The following MAML3 variants were observed in gnomAD, a reference collection of about 807,000 sequenced individuals.
MAML3 encodes mastermind-like protein 3.
MAML3 carries 27 observed loss-of-function variants against 101.9 expected under a neutral mutation model. The observed-to-expected ratio is 0.27, with a 90% confidence interval of 0.20 to 0.37. The LOEUF is 0.37. Among genes scored for constraint, MAML3 ranks in the 10% least tolerant of loss-of-function variants. MAML3 has a pLI of 1.00. For synonymous variants in MAML3, 501 were observed against 555.9 expected (o/e 0.90, Z 1.39); for missense variants, 1,316 against 1,444.9 (o/e 0.91, Z 1.45).
chr4:140,064,414 A>G (rs1306878237), intron 1 of MAML3, among the ~76,000 whole-genome samples: 1 of 152,218 alleles, frequency 6.6e-6, no homozygotes, highest in Non-Finnish European at 1.5e-5. Flanking sequence ...GATGAAATGT[A>G]AAGGGAACAC....
chr4:139,860,381 T>A (rs1277162795), intron 2 of MAML3, among the ~76,000 whole-genome samples: 2 of 152,220 alleles, frequency 1.3e-5, no homozygotes, highest in Non-Finnish European at 2.9e-5. Context: ...TCCTGCGCCC[T>A]GGAGCCCATG....
chr4:139,901,426 T>G (rs1296175784), intron 1 of MAML3, among the ~76,000 whole-genome samples: 1 of 152,222 alleles, frequency 6.6e-6, no homozygotes, highest in African/African-American at 2.4e-5. Flanking sequence ...ATTACATTTA[T>G]TTTTAAGGAC....
intron 2 of MAML3, among the ~76,000 whole-genome samples, chr4:139,801,718 G>A (rs1487784966): frequency 6.6e-6 from 1 of 151,930 alleles, no homozygotes; most frequent in Non-Finnish European, 1.5e-5. Flanking sequence ...GCAGGCACAT[G>A]TGTCTGTTCA....
At chr4:140,056,283 A>G (rs1325965841) in intron 1 of MAML3, among the ~76,000 whole-genome samples, 1 of 152,074 alleles carries the variant, frequency 6.6e-6, no homozygotes, top group African/African-American at 2.4e-5. Flanking sequence ...GTGTCATGAC[A>G]TCTGTTCTAA....
chr4:139,848,396 C>T (rs1008729269), intron 2 of MAML3, among the ~76,000 whole-genome samples: 2 of 152,136 alleles, frequency 1.3e-5, no homozygotes, highest in African/African-American at 4.8e-5. Flanking sequence ...AGCATTAATG[C>T]GTGAGATATA....
intron 1 of MAML3, among the ~76,000 whole-genome samples, chr4:139,985,076 G>A (rs1316417271): frequency 6.6e-6 from 1 of 152,192 alleles, no homozygotes; most frequent in African/African-American, 2.4e-5. Context: ...AACACCACTA[G>A]ATTATATTTT....
intron 2 of MAML3, among the ~76,000 whole-genome samples, chr4:139,790,242 T>TAA (rs1491322727): frequency 1.3e-4 from 18 of 140,500 alleles, no homozygotes; most frequent in African/African-American, 2.6e-4. Flanking sequence ...TATATATATA[T>TAA]AAATAAATAT....
intron 2 of MAML3, among the ~76,000 whole-genome samples, chr4:139,811,899 G>T (rs2111113042): frequency 6.6e-6 from 1 of 152,330 alleles, no homozygotes. Context: ...ATTCAGTAGA[G>T]CAGGAAAAGC....
intron 1 of MAML3, among the ~76,000 whole-genome samples, chr4:140,043,181 GCTT>G (rs1253768597): frequency 2.6e-5 from 4 of 152,012 alleles, no homozygotes; most frequent in Admixed American, 2.0e-4. Context: ...CTTTCCCTCT[GCTT>G]CTCACCCCTC....
At chr4:139,794,445 G>C (rs976253531) in intron 2 of MAML3, 1 of 152,240 alleles carries the variant, frequency 6.6e-6, no homozygotes, top group Non-Finnish European at 1.5e-5. Flanking sequence ...ATCTGACTGT[G>C]CACTGGATAC....
At chr4:140,044,953 G>C (rs1727155400) in intron 1 of MAML3, among the ~76,000 whole-genome samples, 1 of 152,072 alleles carries the variant, frequency 6.6e-6, no homozygotes, top group Non-Finnish European at 1.5e-5. Flanking sequence ...TGCAACAAAA[G>C]TCATGCCTGC....
intron 2 of MAML3, among the ~76,000 whole-genome samples, chr4:139,807,259 G>A (rs1202897595): frequency 6.6e-6 from 1 of 150,638 alleles, no homozygotes; most frequent in Non-Finnish European, 1.5e-5. Context: ...AAACTGTAAA[G>A]TATCATATGC....
intron 1 of MAML3, among the ~76,000 whole-genome samples, chr4:139,959,109 CA>C (rs1733962868): frequency 6.6e-6 from 1 of 152,192 alleles, no homozygotes; most frequent in Admixed American, 6.5e-5. Context: ...TACCTGCTCT[CA>C]CCAACCACAT....
At chr4:139,798,050 A>G (rs1018913626) in intron 2 of MAML3, among the ~76,000 whole-genome samples, 1 of 109,172 alleles carries the variant, frequency 9.2e-6, no homozygotes, top group Non-Finnish European at 1.9e-5. Flanking sequence ...GAAAGAAAGA[A>G]AGAAAGAAAG....
At position 140,028,316 on chromosome 4, in the gene MAML3, A is replaced by C. The variant is rs183172623; in HGVS notation, c.468+124544T>G. On this transcript the variant is annotated intron_variant, in intron 1 of 4. Transcript: ENST00000509479. ...TCCTGGGGTAAGGATTCTGAAAAAA[A>C]AGTGGCTAAAATAAGACAAGAGAAT... Among the ~76,000 whole-genome samples, 6 of 152,314 alleles carry C rather than the reference A, an allele frequency of 3.9e-5. No individual in the cohort carries two copies. In the East Asian group the frequency reaches 7.7e-4, roughly 20 times the overall value.
chr4:139,939,565 T>C (rs1434161532), intron 1 of MAML3, among the ~76,000 whole-genome samples: 1 of 152,132 alleles, frequency 6.6e-6, no homozygotes, highest in African/African-American at 2.4e-5. Context: ...AGGGGGTCTT[T>C]GCTGTTAAAA....
At chr4:140,011,790 T>C (rs1296112140) in intron 1 of MAML3, among the ~76,000 whole-genome samples, 2 of 152,178 alleles carry the variant, frequency 1.3e-5, no homozygotes, top group African/African-American at 4.8e-5. Flanking sequence ...AGAGGACAGG[T>C]GTTTTTAGTA....
At chr4:140,063,656 T>A (rs1727486115) in intron 1 of MAML3, among the ~76,000 whole-genome samples, 1 of 152,182 alleles carries the variant, frequency 6.6e-6, no homozygotes, top group African/African-American at 2.4e-5. Flanking sequence ...ACACATCATC[T>A]TCTTATTTGC....
chr4:140,136,507 CT>C (rs1728885045), intron 1 of MAML3, among the ~76,000 whole-genome samples: 1 of 152,196 alleles, frequency 6.6e-6, no homozygotes, highest in Non-Finnish European at 1.5e-5. Flanking sequence ...ACCCTCCCCA[CT>C]TTGTGCCATA....
Sources: allele counts gnomAD v4.1 joint callset (sites outside exome capture counted in the v4.1 genomes callset), GRCh38; gene constraint gnomAD v4.1.1; transcripts MANE v1.5; gene names NCBI Gene and HGNC (gene_info 2026-07-23, HGNC 2026-07-21).